The following ODF2L variants were observed in gnomAD, a reference collection of about 807,000 sequenced individuals.
ODF2L encodes outer dense fiber of sperm tails 2 like.
A neutral mutation model predicts 86.3 loss-of-function variants in ODF2L; 76 were observed. That is an observed-to-expected ratio of 0.88 (90% CI 0.73 to 1.07). The LOEUF (loss-of-function observed/expected upper bound fraction) is 1.07. ODF2L is among the 50% of genes least tolerant of loss of function. The probability of loss-of-function intolerance (pLI) is 0.00; values close to 1 mark genes in which losing one functional copy is unlikely to be tolerated. For synonymous variants in ODF2L, 241 were observed against 231.3 expected (o/e 1.04, Z -0.38); for missense variants, 748 against 717.4 (o/e 1.04, Z -0.49).
At chr1:86,362,130 A>G (rs1238228925) in intron 11 of ODF2L, among the ~76,000 whole-genome samples, 2 of 152,104 alleles carry the variant, frequency 1.3e-5, no homozygotes, top group Admixed American at 6.6e-5. Context: ...AAATAGAGAA[A>G]AAAGGGGAAG....
exon 2 of ODF2L, chr1:86,387,042 G>A: frequency 7.7e-7 from 1 of 1,305,512 alleles, no homozygotes; most frequent in Non-Finnish European, 1.1e-6. Flanking sequence ...TCAGTAAATG[G>A]ATTTATAGGT....
At chr1:86,370,032 T>C (rs896041501) in intron 10 of ODF2L, among the ~76,000 whole-genome samples, 9 of 152,082 alleles carry the variant, frequency 5.9e-5, no homozygotes, top group African/African-American at 1.9e-4. Context: ...GCAAGCTTTA[T>C]ATAATGCATA....
intron 7 of ODF2L, among the ~76,000 whole-genome samples, chr1:86,379,468 A>T (rs1477358283): frequency 1.3e-5 from 2 of 152,200 alleles, no homozygotes; most frequent in Non-Finnish European, 2.9e-5. Flanking sequence ...AGAATATTAT[A>T]CATCATACTA....
At chr1:86,381,397 T>C (rs143397876) in intron 7 of ODF2L, among the ~76,000 whole-genome samples, 106 of 152,130 alleles carry the variant, frequency 7.0e-4, no homozygotes, top group African/African-American at 2.5e-3. Flanking sequence ...CAAAATTTAT[T>C]ATCCCCCATA....
At chr1:86,372,742 C>T (rs1407537988) in intron 8 of ODF2L, among the ~76,000 whole-genome samples, 1 of 152,092 alleles carries the variant, frequency 6.6e-6, no homozygotes, top group Non-Finnish European at 1.5e-5. Flanking sequence ...TGCCCACCAA[C>T]CAATGAGTGG....
Position 86,357,779 on chromosome 1 carries a change from T to C in ODF2L, c.1359+1008A>G, listed in dbSNP as rs1289667692. On this transcript the variant is annotated intron_variant, in intron 13 of 17. Coordinates refer to ENST00000317336, the Ensembl canonical transcript of ODF2L. ...AAAAAATAGTTGTCTTGTTAAATACTAGTTAGAAAACATTGTGACCTCACA... is the reference window on the plus strand; with the variant it reads ...AAAAAATAGTTGTCTTGTTAAATACCAGTTAGAAAACATTGTGACCTCACA... The C allele has an allele frequency of 3.1e-6, 3 of 979,334 alleles. No homozygotes were observed. The African/African-American group carries it at 5.3e-5, about 17-fold the overall frequency. 60.7% of individuals were successfully genotyped at this position (979,334 alleles called of 1,614,324 possible).
At chr1:86,390,196 G>T (rs1437945132) in intron 1 of ODF2L, among the ~76,000 whole-genome samples, 1 of 152,204 alleles carries the variant, frequency 6.6e-6, no homozygotes, top group Non-Finnish European at 1.5e-5. Flanking sequence ...GCTGAAGCGG[G>T]TGGATCGTGA....
chr1:86,387,939 AT>A (rs1661061275), intron 1 of ODF2L, among the ~76,000 whole-genome samples: 1 of 152,084 alleles, frequency 6.6e-6, no homozygotes, highest in Non-Finnish European at 1.5e-5. Flanking sequence ...ATATTCAAGA[AT>A]TTTTAACACT....
At chr1:86,354,618 T>C (rs1333672926) in exon 16 of ODF2L, 2 of 1,608,898 alleles carry the variant, frequency 1.2e-6, no homozygotes, top group Non-Finnish European at 8.5e-7. Flanking sequence ...AAGATTGCTG[T>C]GCTTAAGACA....
At chr1:86,365,683 AT>A (rs1659356240) in intron 11 of ODF2L, among the ~76,000 whole-genome samples, 1 of 152,236 alleles carries the variant, frequency 6.6e-6, no homozygotes, top group Non-Finnish European at 1.5e-5. Context: ...ACCAGGGGCT[AT>A]CAAAGGACAA....
chr1:86,381,607 C>T (rs992603681), intron 7 of ODF2L, among the ~76,000 whole-genome samples: 3 of 151,536 alleles, frequency 2.0e-5, no homozygotes, highest in African/African-American at 7.3e-5. Context: ...GCTTCTTTGC[C>T]TTTGGCGGAA....
intron 10 of ODF2L, among the ~76,000 whole-genome samples, chr1:86,370,341 T>C (rs1463718308): frequency 6.6e-6 from 1 of 151,906 alleles, no homozygotes; most frequent in Non-Finnish European, 1.5e-5. Context: ...AACAAAACAA[T>C]GTTAGATGCT....
At chr1:86,346,858 ATCTT>A (rs1657831337), downstream of ODF2L, 3 of 152,194 alleles carry the variant, frequency 2.0e-5, no homozygotes, top group African/African-American at 7.2e-5. Context: ...AGAAACTACT[ATCTT>A]TATTTATGAA....
intron 8 of ODF2L, chr1:86,374,794 T>C (rs1306067598): frequency 1.3e-5 from 2 of 152,210 alleles, no homozygotes; most frequent in Admixed American, 6.5e-5. Context: ...TCTGTCTCTG[T>C]AGTCCTTGGC....
chr1:86,384,819 C>A lies in ODF2L; in HGVS notation c.247-18G>T, dbSNP rs1432863547. On this transcript the variant is annotated intron_variant, in intron 3 of 17. Coordinates refer to ENST00000317336, the Ensembl canonical transcript of ODF2L. Reference sequence around the variant, plus strand: ...AGATTCGCCTGACAAATTATAAGAACCACATACACATTTTAAGACACAGCA... The same window carrying A: ...AGATTCGCCTGACAAATTATAAGAAACACATACACATTTTAAGACACAGCA... The A allele has an allele frequency of 1.4e-6, 2 of 1,467,696 alleles. No homozygotes were observed. Among genetic ancestry groups the A allele is most frequent in the Non-Finnish European group, 1.8e-6 (2 of 1,111,442 alleles). 90.9% of individuals were successfully genotyped at this position (1,467,696 alleles called of 1,614,324 possible).
At chr1:86,380,365 C>CG (rs1444908040) in intron 7 of ODF2L, among the ~76,000 whole-genome samples, 22 of 152,092 alleles carry the variant, frequency 1.4e-4, no homozygotes, top group Admixed American at 1.4e-3. Flanking sequence ...TCCCATAAAA[C>CG]ATAAGTAGCT....
chr1:86,358,888 G>C (rs1184688475), exon 13 of ODF2L: 2 of 1,470,180 alleles, frequency 1.4e-6, no homozygotes, highest in Middle Eastern at 1.8e-4. Context: ...TGCAACTTTT[G>C]TACCTGAAAA....
intron 2 of ODF2L, chr1:86,385,858 A>G: frequency 4.5e-6 from 1 of 222,344 alleles, no homozygotes; most frequent in Admixed American, 5.8e-5. Flanking sequence ...ATTTATAAAT[A>G]AAATTCCAAG....
At chr1:86,379,577 C>T (rs891691084) in intron 7 of ODF2L, among the ~76,000 whole-genome samples, 3 of 152,116 alleles carry the variant, frequency 2.0e-5, no homozygotes, top group African/African-American at 7.2e-5. Flanking sequence ...TATATTAGGA[C>T]TCTTCACTTT....
Sources: gnomAD v4.1 joint callset for allele counts (sites outside exome capture counted in the v4.1 genomes callset) on GRCh38, gnomAD v4.1.1 for gene constraint, MANE v1.5 for transcripts, NCBI Gene and HGNC (gene_info 2026-07-23, HGNC 2026-07-21) for gene names.